CPD: variants seen among roughly 807,000 people sequenced by gnomAD.
The protein encoded by CPD is metallocarboxypeptidase D.
A neutral mutation model predicts 138.3 loss-of-function variants in CPD; 69 were observed. The observed-to-expected ratio is 0.50, with a 90% confidence interval of 0.41 to 0.61. The LOEUF (loss-of-function observed/expected upper bound fraction) is 0.61. Ranked by LOEUF, CPD falls within the 20% of genes least tolerant of loss-of-function variation. CPD has a pLI of 0.00. For missense variants in CPD, 1,432 were observed against 1,733.3 expected (o/e 0.83, Z 3.09); for synonymous variants, 651 against 642.1 (o/e 1.01, Z -0.21).
chr17:30,379,736 G>T lies in CPD; in HGVS notation c.746+10G>T. The T allele has an allele frequency of 6.9e-7, 1 of 1,450,304 alleles. No homozygotes were observed. The highest frequency in any genetic ancestry group is 1.4e-5 in the South Asian group (1 of 69,828). The allele number at this position is 1,450,304 out of a possible 1,614,324, so 89.8% of individuals were successfully genotyped here. On this transcript the variant is annotated intron_variant, in intron 1 of 20. Coordinates refer to ENST00000225719, the MANE Select transcript of CPD (RefSeq NM_001304.5). This position sits in a 1 kb window ranked among gnomAD's most constrained non-coding sequence, Gnocchi z 7.0. The stretch of plus-strand genomic sequence containing the variant: ...GGATCCGCAGGAACAAGTGAGTGTT[G>T]CCTGCCCCCTCCCCGTCCGTGTGAG...
chr17:30,451,817 G>T lies in CPD; in HGVS notation c.3176G>T (p.Arg1059Leu), dbSNP rs150285239. 6.2e-7 allele frequency: 1 copy of T among 1,613,872 alleles called. No homozygotes were observed. The highest frequency in any genetic ancestry group is 8.5e-7 in the Non-Finnish European group (1 of 1,179,952). The change falls in exon 14 of 21, where the codon CGT (arginine) becomes CTT (leucine). Residue 1059 changes from arginine (R) to leucine (L), a missense_variant. Arg to Leu is a moderately radical substitution (Grantham distance 102, BLOSUM62 -2). Transcript: ENST00000225719. ...TCAAAAATAGGACAAACAAATGCTC[G>T]TGGCAAAGATTTGGATACAGACTTC... is the stretch of plus-strand genomic sequence containing the variant. ...CTSKIGQTNA[R>L]GKDLDTDFTN...
chr17:30,459,737 G>A (rs1913417480), intron 17 of CPD, among the ~76,000 whole-genome samples: 1 of 152,108 alleles, frequency 6.6e-6, no homozygotes, highest in South Asian at 2.1e-4. Flanking sequence ...ATATCACTTT[G>A]TGTAGTATTG....
Position 30,469,012 on chromosome 17 carries a change from G to A in CPD, c.*4198G>A, listed in dbSNP as rs1264585310. ...TTATGTACGCATTTTAAACTTGTTC[G>A]TTAAAAATTTGGTCCTTTTTCCAGG... On this transcript the variant is annotated 3_prime_UTR_variant, in exon 21 of 21. Transcript: ENST00000225719. 2.0e-5 allele frequency: 3 copies of A among 152,096 alleles called. No homozygotes were observed. The highest frequency in any genetic ancestry group is 2.1e-4 in the South Asian group (1 of 4,826). 9.4% of individuals were successfully genotyped at this position (152,096 alleles called of 1,614,324 possible).
chr17:30,379,477 G>T lies in CPD; in HGVS notation c.497G>T (p.Arg166Leu), dbSNP rs749312900. The T allele has an allele frequency of 1.9e-6, 3 of 1,573,012 alleles. No homozygotes were observed. The highest frequency in any genetic ancestry group is 1.7e-6 in the Non-Finnish European group (2 of 1,165,652). The change falls in exon 1 of 21, where the codon CGC (arginine) becomes CTC (leucine). Residue 166 changes from arginine to leucine, a missense_variant. Transcript: ENST00000225719. The surrounding 1 kb of genome is among the most constrained non-coding windows in gnomAD (Gnocchi z 7.0). The part of the protein sequence containing the change: ...LAAGYRRGDP[R>L]LVRLLNTTDV... ...GCCGGCTACCGCCGCGGGGACCCGC[G>T]CCTGGTCCGCCTGCTCAACACCACC...
Position 30,455,404 on chromosome 17 carries a change from C to T in CPD, c.3271C>T (p.Leu1091Phe). 2 of 1,613,812 alleles carry T rather than the reference C, an allele frequency of 1.2e-6. No individual in the cohort carries two copies. The highest frequency in any genetic ancestry group is 1.1e-5 in the South Asian group (1 of 91,054). ...ENLIQKQDFSLSVALDGGSML... is the reference protein window; with the variant it reads ...ENLIQKQDFSFSVALDGGSML... ...TTTGATTCAAAAACAGGACTTTAGTCTTTCTGTTGCCTTAGATGGTGGTTC... is the reference window on the plus strand; with the variant it reads ...TTTGATTCAAAAACAGGACTTTAGTTTTTCTGTTGCCTTAGATGGTGGTTC... Residue 1091 changes from leucine to phenylalanine, a missense_variant, in exon 15 of 21, where the codon CTT (leucine) becomes TTT (phenylalanine). Transcript: ENST00000225719.
chr17:30,444,578 G>C (rs558745781), intron 11 of CPD, among the ~76,000 whole-genome samples: 1 of 140,206 alleles, frequency 7.1e-6, no homozygotes, highest in African/African-American at 2.7e-5. Flanking sequence ...AGGCTGGAGT[G>C]CATGGCACTA....
At chr17:30,419,506 A>AT (rs1226289170) in intron 2 of CPD, among the ~76,000 whole-genome samples, 1 of 151,924 alleles carries the variant, frequency 6.6e-6, no homozygotes. Flanking sequence ...CACCCAGCTA[A>AT]TTTTTTGTAT....
In CPD at chr17:30,465,235, T is replaced by G. The variant is rs1307389698; in HGVS notation, c.*421T>G. On this transcript the variant is annotated 3_prime_UTR_variant, in exon 21 of 21. Coordinates refer to ENST00000225719, the MANE Select transcript of CPD (RefSeq NM_001304.5). The stretch of plus-strand genomic sequence containing the variant: ...ACAGCAGTCAGAATCGACATAAAGC[T>G]TTAAAAACTCAAGGTTTTTTCAACC... The G allele has an allele frequency of 1.2e-5, 2 of 167,098 alleles. No homozygotes were observed. Among genetic ancestry groups the G allele is most frequent in the African/African-American group, 4.8e-5 (2 of 41,568 alleles). The allele number at this position is 167,098 out of a possible 1,614,324, so 10.4% of individuals were successfully genotyped here.
intron 3 of CPD, 64 bp downstream of exon 3, chr17:30,421,047 T>G: frequency 7.1e-7 from 1 of 1,400,358 alleles, no homozygotes; most frequent in Non-Finnish European, 1.0e-6. Flanking sequence ...GAAATTTGGA[T>G]GCATGTGAAT....
chr17:30,401,408 TTCTTCCTCTTCCTCC>T (rs1911664989), intron 2 of CPD, among the ~76,000 whole-genome samples: 1 of 150,990 alleles, frequency 6.6e-6, no homozygotes, highest in Non-Finnish European at 1.5e-5. Flanking sequence ...CCTCCTCCTC[TTCTTCCTCTTCCTCC>T]TCTTCCTCTT....
chr17:30,445,638 T>G, intron 11 of CPD, 53 bp from the exon 12 acceptor site: 1 of 1,320,720 alleles, frequency 7.6e-7, no homozygotes. Context: ...CTTCCCAGGG[T>G]TTGGGTACTC....
chr17:30,399,787 C>T (rs368272265), intron 2 of CPD, among the ~76,000 whole-genome samples: 24 of 152,152 alleles, frequency 1.6e-4, no homozygotes, highest in East Asian at 9.7e-4. Flanking sequence ...GTCAGGAGTT[C>T]GAGACCAGCC....
At chr17:30,400,738 A>G (rs1911636405) in intron 2 of CPD, among the ~76,000 whole-genome samples, 2 of 138,768 alleles carry the variant, frequency 1.4e-5, no homozygotes. Flanking sequence ...GCTCACCGCA[A>G]GCTTTGCCTC....
chr17:30,450,028 C>T (rs1913126396), intron 13 of CPD, among the ~76,000 whole-genome samples: 1 of 151,726 alleles, frequency 6.6e-6, no homozygotes, highest in African/African-American at 2.4e-5. Flanking sequence ...AGCCACACTA[C>T]CCTTCCAGTC....
chr17:30,464,199 TG>T (rs1488164155), intron 20 of CPD, among the ~76,000 whole-genome samples: 1 of 152,030 alleles, frequency 6.6e-6, no homozygotes, highest in Non-Finnish European at 1.5e-5. Context: ...TAGACTAGCC[TG>T]GGCAACATGG....
intron 2 of CPD, among the ~76,000 whole-genome samples, chr17:30,388,886 G>A (rs1481187242): frequency 1.3e-5 from 2 of 152,162 alleles, no homozygotes; most frequent in Non-Finnish European, 2.9e-5. Flanking sequence ...GTCACCCCAC[G>A]TGTGGCGGAC....
Position 30,428,216 on chromosome 17 carries a change from A to G in CPD, c.2017+658A>G, listed in dbSNP as rs535915352. Among the ~76,000 whole-genome samples, 4 of 152,278 alleles carry G rather than the reference A, an allele frequency of 2.6e-5. No homozygotes were observed. In the South Asian group the frequency reaches 8.3e-4, roughly 32 times the overall value. On this transcript the variant is annotated intron_variant, in intron 7 of 20. Transcript: ENST00000225719. ...TAATTTAGCAGGATGGATCGGTTGA[A>G]TAGGATGAGTGTCAAGATTAAAAAT...
chr17:30,456,514 G>A lies in CPD; in HGVS notation c.3486G>A (p.Leu1162=), dbSNP rs1841372265. The A allele has an allele frequency of 2.5e-6, 4 of 1,614,014 alleles. No homozygotes were observed. Among genetic ancestry groups the A allele is most frequent in the Non-Finnish European group, 3.4e-6 (4 of 1,179,900 alleles). ...GTGGAGCAGAATGGCATAGTCACCT[G>A]GGCAGCATGAAGGTATGCTTTCTAG... is the stretch of plus-strand genomic sequence containing the variant. The part of the protein sequence containing the change: ...VMRGAEWHSH[L]GSMKDYSVTY... The change falls in exon 17 of 21, where the codon CTG becomes CTA. Residue 1162 remains leucine, a synonymous_variant. Transcript: ENST00000225719.
intron 2 of CPD, among the ~76,000 whole-genome samples, chr17:30,408,916 A>G (rs969288430): frequency 7.2e-5 from 11 of 151,930 alleles, no homozygotes; most frequent in African/African-American, 2.4e-4. Flanking sequence ...GCAGTATTCA[A>G]AAAAACTGGC....
Sources: allele counts gnomAD v4.1 joint callset (sites outside exome capture counted in the v4.1 genomes callset), GRCh38; gene constraint gnomAD v4.1.1; non-coding constraint Gnocchi (gnomAD v3.1); transcripts MANE v1.5; gene names NCBI Gene and HGNC (gene_info 2026-07-23, HGNC 2026-07-21).